The following DENND1A variants were observed in gnomAD, a reference collection of about 807,000 sequenced individuals.
The protein encoded by DENND1A is DENN domain containing 1A, also known as DENN domain-containing protein 1A.
A neutral mutation model predicts 113.7 loss-of-function variants in DENND1A; 51 were observed. The observed-to-expected ratio is 0.45, with a 90% CI of 0.36 to 0.57. DENND1A has a LOEUF of 0.57. Ranked by LOEUF, DENND1A falls within the 20% of genes least tolerant of loss-of-function variation. The pLI, the probability that DENND1A is intolerant of heterozygous loss-of-function variation, is 0.00. For synonymous variants in DENND1A, 565 were observed against 570.8 expected (o/e 0.99, Z 0.14); for missense variants, 1,258 against 1,395.9 (o/e 0.90, Z 1.57).
At chr9:123,455,936 C>T (rs1266123944) in intron 15 of DENND1A, among the ~76,000 whole-genome samples, 1 of 152,158 alleles carries the variant, frequency 6.6e-6, no homozygotes, top group Admixed American at 6.5e-5. Flanking sequence ...ACTCCTTTTC[C>T]TGAATTGGTT....
chr9:123,792,520 G>C, intron 3 of DENND1A, 67 bp downstream of exon 3: 1 of 1,514,752 alleles, frequency 6.6e-7, no homozygotes, highest in Non-Finnish European at 9.1e-7. Flanking sequence ...AAAAAGAACA[G>C]TAATAATATG....
chr9:123,848,584 A>C (rs1349554827), intron 2 of DENND1A, among the ~76,000 whole-genome samples: 1 of 152,148 alleles, frequency 6.6e-6, no homozygotes, highest in African/African-American at 2.4e-5. Context: ...AATTCACCCT[A>C]CAATGGCCTC....
chr9:123,635,069 G>A (rs1214609586), intron 9 of DENND1A, among the ~76,000 whole-genome samples: 1 of 144,688 alleles, frequency 6.9e-6, no homozygotes, highest in East Asian at 2.0e-4. Flanking sequence ...GACGGAGTGG[G>A]AAAAATCACA....
At chr9:123,920,628 C>T (rs1856069095) in intron 1 of DENND1A, among the ~76,000 whole-genome samples, 1 of 152,172 alleles carries the variant, frequency 6.6e-6, no homozygotes, top group African/African-American at 2.4e-5. Flanking sequence ...GGTGCAATCT[C>T]AGCTCACTGC....
At chr9:123,924,022 A>G (rs1195386690) in intron 1 of DENND1A, among the ~76,000 whole-genome samples, 1 of 152,218 alleles carries the variant, frequency 6.6e-6, no homozygotes, top group East Asian at 1.9e-4. Flanking sequence ...CAACCCAAAT[A>G]CCTAACAACT....
rs78012023 is a variant in DENND1A, at chr9:123,841,123, T to A, written c.88+37828A>T. On this transcript the variant is annotated intron_variant, in intron 2 of 23. Transcript: ENST00000394215. Reference sequence around the variant, plus strand: ...TGAAATCTTAAACCAAATGTGATAATTACCAAGGTGATGTCATTTAGAAAG... The same window carrying A: ...TGAAATCTTAAACCAAATGTGATAAATACCAAGGTGATGTCATTTAGAAAG... 6.2e-3 allele frequency among the ~76,000 whole-genome samples: 944 copies of A among 152,322 alleles called. 4 individuals carry two copies. Among genetic ancestry groups the A allele is most frequent in the Non-Finnish European group, 9.8e-3 (668 of 68,020 alleles).
At chr9:123,647,372 GT>G (rs1401343858) in intron 9 of DENND1A, among the ~76,000 whole-genome samples, 2 of 152,172 alleles carry the variant, frequency 1.3e-5, no homozygotes, top group African/African-American at 4.8e-5. Flanking sequence ...CGATTACAAG[GT>G]TGGAGCCCAG....
intron 21 of DENND1A, 61 bp downstream of exon 21, chr9:123,403,341 A>C: frequency 6.3e-7 from 1 of 1,580,100 alleles, no homozygotes; most frequent in South Asian, 1.1e-5. Flanking sequence ...TGGGCTTCGC[A>C]AAGTGCTGGC....
At chr9:123,576,688 C>T (rs2058656681) in intron 12 of DENND1A, among the ~76,000 whole-genome samples, 1 of 152,146 alleles carries the variant, frequency 6.6e-6, no homozygotes, top group South Asian at 2.1e-4. Context: ...CGGGGTTTCA[C>T]CATGTTGGCC....
At chr9:123,910,484 C>A (rs1418274339) in intron 1 of DENND1A, among the ~76,000 whole-genome samples, 1 of 152,012 alleles carries the variant, frequency 6.6e-6, no homozygotes, top group African/African-American at 2.4e-5. Context: ...GATCACATCA[C>A]GGAACTAAAA....
intron 13 of DENND1A, among the ~76,000 whole-genome samples, chr9:123,547,822 G>T (rs1323316938): frequency 6.6e-6 from 1 of 152,146 alleles, no homozygotes; most frequent in African/African-American, 2.4e-5. Context: ...AACAAGTATG[G>T]ACACCACTAT....
chr9:123,398,904 C>T (rs771277584), intron 21 of DENND1A, among the ~76,000 whole-genome samples: 18 of 151,744 alleles, frequency 1.2e-4, no homozygotes, highest in Non-Finnish European at 2.1e-4. Context: ...AAGCGATTCT[C>T]CTGCCTCAGC....
intron 23 of DENND1A, among the ~76,000 whole-genome samples, chr9:123,382,846 T>C (rs1225373884): frequency 6.6e-6 from 1 of 152,212 alleles, no homozygotes; most frequent in Non-Finnish European, 1.5e-5. Flanking sequence ...AAGACAAAGC[T>C]CTCGTCCCTT....
chr9:123,687,771 T>C (rs2140319851), intron 5 of DENND1A, among the ~76,000 whole-genome samples: 1 of 152,362 alleles, frequency 6.6e-6, no homozygotes, highest in East Asian at 1.9e-4. Flanking sequence ...GCAGCCCTTC[T>C]TCTTGCTTCA....
intron 10 of DENND1A, among the ~76,000 whole-genome samples, chr9:123,623,991 A>C (rs2061080761): frequency 6.6e-6 from 1 of 152,212 alleles, no homozygotes; most frequent in African/African-American, 2.4e-5. Flanking sequence ...CCTGAAGAAA[A>C]ACTGGCAGCA....
chr9:123,442,810 C>T (rs1465042025), intron 18 of DENND1A, among the ~76,000 whole-genome samples: 2 of 152,210 alleles, frequency 1.3e-5, no homozygotes, highest in Non-Finnish European at 2.9e-5. Context: ...CACTCAACCT[C>T]TCTGCACCTA....
At chr9:123,462,666 G>C (rs933313824) in intron 13 of DENND1A, among the ~76,000 whole-genome samples, 16 of 152,084 alleles carry the variant, frequency 1.1e-4, no homozygotes, top group African/African-American at 3.9e-4. Flanking sequence ...GCGTGTTGGC[G>C]CACGCCTGTA....
At chr9:123,897,574 C>T (rs561367159) in intron 1 of DENND1A, among the ~76,000 whole-genome samples, 2 of 152,278 alleles carry the variant, frequency 1.3e-5, no homozygotes, top group African/African-American at 4.8e-5. Context: ...ATAAAGGGAG[C>T]CGCAGGGCAC....
chr9:123,427,806 A>G (rs757637310), intron 19 of DENND1A, among the ~76,000 whole-genome samples: 1 of 152,138 alleles, frequency 6.6e-6, no homozygotes, highest in Admixed American at 6.5e-5. Flanking sequence ...CTTGGCCTCA[A>G]TAATTGGTTC....
Sources: allele counts gnomAD v4.1 joint callset (sites outside exome capture counted in the v4.1 genomes callset), GRCh38; gene constraint gnomAD v4.1.1; transcripts MANE v1.5; gene names NCBI Gene and HGNC (gene_info 2026-07-23, HGNC 2026-07-21).